Variants in GRK4 observed in about 807,000 individuals in gnomAD.
GRK4 encodes the protein G protein-coupled receptor kinase 2-like.
GRK4 carries 73 observed loss-of-function variants against 77.9 expected under a neutral mutation model. The ratio of observed to expected loss-of-function variants is 0.94; its 90% CI spans 0.78 to 1.14. The LOEUF is 1.14. GRK4 is among the 50% of genes most tolerant of loss of function. The pLI, the probability that GRK4 is intolerant of heterozygous loss-of-function variation, is 0.00. For missense variants in GRK4, 729 were observed against 700.2 expected (o/e 1.04, Z -0.46); for synonymous variants, 257 against 254.4 (o/e 1.01, Z -0.10).
rs181819419 is a variant in GRK4 at position 2,985,152 on chromosome 4, C to T, written c.148+544C>T. Among the ~76,000 whole-genome samples the T allele has an allele frequency of 5.6e-3, 844 of 151,772 alleles. 4 individuals carry two copies. Among genetic ancestry groups the T allele is most frequent in the African/African-American group, 0.019 (796 of 41,424 alleles). Reference sequence around the variant, plus strand: ...GCCAGGCCGGGCGCAGTGGCTCACGCCTGTAATCCCGGCACTTTGGGAGGC... The same window carrying T: ...GCCAGGCCGGGCGCAGTGGCTCACGTCTGTAATCCCGGCACTTTGGGAGGC... On this transcript the variant is annotated intron_variant, in intron 2 of 15. Coordinates refer to ENST00000398052, the MANE Select transcript of GRK4 (RefSeq NM_182982.3).
At chr4:3,008,795 T>A (rs1197006609) in intron 6 of GRK4, among the ~76,000 whole-genome samples, 1 of 148,076 alleles carries the variant, frequency 6.8e-6, no homozygotes, top group Admixed American at 6.7e-5. Flanking sequence ...ACAGCAAGAC[T>A]CTGTCTCAAA....
chr4:3,027,514 C>T (rs1230661329), intron 10 of GRK4, among the ~76,000 whole-genome samples: 1 of 152,138 alleles, frequency 6.6e-6, no homozygotes, highest in Non-Finnish European at 1.5e-5. Context: ...GTGTAGCTGT[C>T]CCTGTGTATA....
chr4:2,965,669 A>G (rs1717428032), intron 1 of GRK4: 2 of 570,728 alleles, frequency 3.5e-6, no homozygotes, highest in Admixed American at 6.1e-5. Flanking sequence ...CAGCAAGACC[A>G]TCTCTTTAAA....
intron 1 of GRK4, among the ~76,000 whole-genome samples, chr4:2,969,708 G>A (rs1577929959): frequency 1.3e-5 from 2 of 150,550 alleles, no homozygotes; most frequent in South Asian, 2.1e-4. Context: ...GTCTCACTCT[G>A]TTACCCCGCT....
intron 13 of GRK4, among the ~76,000 whole-genome samples, chr4:3,036,080 C>A (rs562291129): frequency 7.2e-5 from 11 of 152,382 alleles, no homozygotes; most frequent in Middle Eastern, 3.4e-3. Context: ...CTTGACCTCC[C>A]AGAATGCTGG....
chr4:3,032,993 CA>C (rs1018265415), intron 12 of GRK4, among the ~76,000 whole-genome samples: 2 of 152,146 alleles, frequency 1.3e-5, no homozygotes, highest in African/African-American at 4.8e-5. Flanking sequence ...AGTAATTTAT[CA>C]ACAGCAGAAG....
At chr4:3,000,507 G>A (rs961542872) in intron 4 of GRK4, among the ~76,000 whole-genome samples, 2 of 151,942 alleles carry the variant, frequency 1.3e-5, no homozygotes, top group South Asian at 4.2e-4. Context: ...CATATTTGTG[G>A]AGCAAATGAG....
At chr4:2,981,592 T>C (rs1051056003) in intron 1 of GRK4, among the ~76,000 whole-genome samples, 1 of 152,194 alleles carries the variant, frequency 6.6e-6, no homozygotes, top group Admixed American at 6.5e-5. Context: ...GTTGTCCTGT[T>C]TTCTGCCCAA....
chr4:2,984,449 G>A, intron 1 of GRK4, 64 bp from the exon 2 acceptor site: 2 of 853,616 alleles, frequency 2.3e-6, no homozygotes, highest in Non-Finnish European at 4.0e-6. Flanking sequence ...ATTGGTGGAA[G>A]TAGTTGTTAT....
intron 2 of GRK4, among the ~76,000 whole-genome samples, chr4:2,987,919 T>C (rs1238436531): frequency 6.6e-6 from 1 of 151,410 alleles, no homozygotes; most frequent in Non-Finnish European, 1.5e-5. Flanking sequence ...CTACTAAAAA[T>C]ACAAAAATTA....
intron 4 of GRK4, among the ~76,000 whole-genome samples, chr4:3,002,613 A>G (rs1730150105): frequency 6.6e-6 from 1 of 152,208 alleles, no homozygotes; most frequent in African/African-American, 2.4e-5. Context: ...CTGAGGCAGG[A>G]GAATCGCTTG....
At chr4:3,025,272 A>AT (rs1256337337) in intron 10 of GRK4, among the ~76,000 whole-genome samples, 1 of 121,908 alleles carries the variant, frequency 8.2e-6, no homozygotes, top group African/African-American at 4.6e-5. Context: ...CTCTGTCTCA[A>AT]AAAAAAAAAA....
chr4:3,003,356 A>G (rs543683824), intron 4 of GRK4, among the ~76,000 whole-genome samples: 21 of 151,892 alleles, frequency 1.4e-4, no homozygotes, highest in African/African-American at 5.1e-4. Flanking sequence ...CGCCTGGCTA[A>G]TTTTTGTATT....
intron 1 of GRK4, among the ~76,000 whole-genome samples, chr4:2,981,311 C>A (rs1722808159): frequency 6.6e-6 from 1 of 152,206 alleles, no homozygotes; most frequent in African/African-American, 2.4e-5. Flanking sequence ...CAGTGGGTCC[C>A]AAGTTCTTGT....
chr4:3,006,771 A>T (rs141627671), intron 5 of GRK4, among the ~76,000 whole-genome samples: 1 of 152,070 alleles, frequency 6.6e-6, no homozygotes, highest in African/African-American at 2.4e-5. Flanking sequence ...AGACCAAAAA[A>T]AAAGAAAAGA....
intron 8 of GRK4, 40 bp from the exon 9 acceptor site, chr4:3,019,601 G>A: frequency 6.7e-7 from 1 of 1,499,138 alleles, no homozygotes; most frequent in Non-Finnish European, 9.1e-7. Context: ...CAATGAAAGA[G>A]CAAGTTCGTG....
intron 15 of GRK4, 83 bp downstream of exon 15, chr4:3,038,596 C>CT: frequency 6.7e-7 from 1 of 1,481,710 alleles, no homozygotes; most frequent in Admixed American, 2.1e-5. Context: ...AAACCTGGTA[C>CT]TTTTTCTGTT....
chr4:3,013,884 C>A, intron 8 of GRK4, 56 bp downstream of exon 8: 2 of 1,519,800 alleles, frequency 1.3e-6, no homozygotes, highest in Admixed American at 2.1e-5. Context: ...GCACTTTTGT[C>A]AGCCGACATG....
intron 4 of GRK4, among the ~76,000 whole-genome samples, chr4:2,998,756 A>G (rs1439164713): frequency 9.2e-5 from 14 of 152,322 alleles, no homozygotes; most frequent in South Asian, 4.1e-4. Flanking sequence ...GGATCAGAAG[A>G]CTTAATATTG....
Sources: allele counts gnomAD v4.1 joint callset (sites outside exome capture counted in the v4.1 genomes callset), GRCh38; gene constraint gnomAD v4.1.1; transcripts MANE v1.5; gene names NCBI Gene and HGNC (gene_info 2026-07-23, HGNC 2026-07-21).